Variants in SFTPD observed in about 807,000 individuals in gnomAD.
SFTPD encodes the protein pulmonary surfactant-associated protein D.
A neutral mutation model predicts 34.6 loss-of-function variants in SFTPD; 18 were observed. The ratio of observed to expected loss-of-function variants is 0.52; its 90% CI spans 0.36 to 0.77. The LOEUF is 0.77. SFTPD is among the 30% of genes least tolerant of loss of function. The pLI, the probability that SFTPD is intolerant of heterozygous loss-of-function variation, is 0.00. For synonymous variants in SFTPD, 155 were observed against 180.9 expected (o/e 0.86, Z 1.15); for missense variants, 433 against 468.9 (o/e 0.92, Z 0.71).
At chr10:79,982,110 C>T (rs553348186) in intron 1 of SFTPD, 2 of 308,260 alleles carry the variant, frequency 6.5e-6, no homozygotes, top group South Asian at 1.7e-4. Flanking sequence ...CTCTAGCTCC[C>T]GCGCTCGCTC....
chr10:79,979,231 T>TA (rs1190710901), intron 1 of SFTPD, among the ~76,000 whole-genome samples: 9 of 152,070 alleles, frequency 5.9e-5, no homozygotes, highest in African/African-American at 1.9e-4. Flanking sequence ...AAAACATTGA[T>TA]AAAAAATTGA....
At chr10:79,963,169 C>A (rs1842784538) in intron 1 of SFTPD, among the ~76,000 whole-genome samples, 1 of 151,970 alleles carries the variant, frequency 6.6e-6, no homozygotes, top group Non-Finnish European at 1.5e-5. Context: ...ATAGAGAGAC[C>A]TTGTCTCTGC....
chr10:79,967,563 C>A (rs1842809794), intron 1 of SFTPD, among the ~76,000 whole-genome samples: 1 of 143,788 alleles, frequency 7.0e-6, no homozygotes, highest in Non-Finnish European at 1.5e-5. Context: ...TACTACAAGG[C>A]TACAGTAACC....
At chr10:79,970,824 T>G (rs1364059960) in intron 1 of SFTPD, 2 of 152,178 alleles carry the variant, frequency 1.3e-5, no homozygotes, top group Non-Finnish European at 2.9e-5. Context: ...AAAATTTGAT[T>G]TCCTTCTTTC....
chr10:79,943,592 G>C (rs535233125), intron 2 of SFTPD, among the ~76,000 whole-genome samples: 1 of 152,194 alleles, frequency 6.6e-6, no homozygotes, highest in African/African-American at 2.4e-5. Context: ...CCATGCTCCC[G>C]TGGCAGAGGA....
chr10:79,945,145 G>A (rs1254565063), intron 2 of SFTPD, among the ~76,000 whole-genome samples: 1 of 152,156 alleles, frequency 6.6e-6, no homozygotes, highest in Non-Finnish European at 1.5e-5. Flanking sequence ...ATGGGTTGAG[G>A]CACATATGTG....
chr10:79,961,142 A>G (rs1842770094), intron 1 of SFTPD, among the ~76,000 whole-genome samples: 1 of 152,244 alleles, frequency 6.6e-6, no homozygotes, highest in Non-Finnish European at 1.5e-5. Flanking sequence ...TACAAAAATT[A>G]ATTCAAGATG....
intron 7 of SFTPD, among the ~76,000 whole-genome samples, chr10:79,939,677 A>C (rs1252944741): frequency 1.3e-5 from 2 of 152,220 alleles, no homozygotes; most frequent in Admixed American, 1.3e-4. Flanking sequence ...GAGCATATGC[A>C]GAAAGAGATA....
At position 79,946,518 on chromosome 10, in the gene SFTPD, G is replaced by T. The variant is rs150968324; in HGVS notation, c.142C>A (p.Pro48Thr). ...CTCCCATCCCGTCCATCGCGACCAG[G>T]CAGGCCACTCTCCACTGAGCTACAC... ...VMCSSVESGL[P>T]GRDGRDGREG... The change falls in exon 2 of 8, where the codon CCT becomes ACT. Residue 48 changes from proline (P) to threonine (T), a missense_variant. Coordinates refer to ENST00000372292, the MANE Select transcript of SFTPD (RefSeq NM_003019.5). 7.4e-6 allele frequency: 12 copies of T among 1,614,162 alleles called. No individual in the cohort carries two copies. Among genetic ancestry groups the T allele is most frequent in the Non-Finnish European group, 9.3e-6 (11 of 1,180,010 alleles).
chr10:79,963,981 C>A (rs931209736), intron 1 of SFTPD, among the ~76,000 whole-genome samples: 1 of 152,084 alleles, frequency 6.6e-6, no homozygotes, highest in African/African-American at 2.4e-5. Context: ...TCACCCTGAT[C>A]ATACTTGGTT....
At chr10:79,941,348 C>T (rs1842609103) in intron 6 of SFTPD, 50 bp downstream of exon 6, 2 of 1,525,968 alleles carry the variant, frequency 1.3e-6, no homozygotes, top group East Asian at 4.5e-5. Flanking sequence ...TTCCTCTCTG[C>T]CCACCCATGC....
Position 79,942,061 on chromosome 10 carries a change from C to A in SFTPD, c.443G>T (p.Gly148Val). The change falls in exon 5 of 8, where the codon GGT becomes GTT. Residue 148 changes from glycine to valine, a missense_variant. Transcript: ENST00000372292. ...TGCCGAGCCCTGCATGCCTGGGGCA[C>A]CTACTTCTCCTGAAGAAGGAACACA... ...KGEAGPKGEV[G>V]APGMQGSAGA... 6.2e-7 allele frequency: 1 copy of A among 1,609,584 alleles called. No homozygotes were observed. Among genetic ancestry groups the A allele is most frequent in the Non-Finnish European group, 8.5e-7 (1 of 1,176,480 alleles).
At chr10:79,947,638 C>T (rs760210002) in intron 1 of SFTPD, among the ~76,000 whole-genome samples, 40 of 151,996 alleles carry the variant, frequency 2.6e-4, no homozygotes, top group African/African-American at 9.4e-4. Flanking sequence ...TGCAGTGAGC[C>T]GAGATCGTGC....
rs1217920200 is a variant in SFTPD at position 79,942,753 on chromosome 10, A to G, written c.316+10T>C. ...CTGGAAACACCTGAAGTCGACACCC[A>G]GTTGCTCACCACTTGGCCCAGTGTC... On this transcript the variant is annotated intron_variant, in intron 3 of 7. Transcript: ENST00000372292. 1.3e-6 allele frequency: 2 copies of G among 1,546,918 alleles called. No individual in the cohort carries two copies. Among genetic ancestry groups the G allele is most frequent in the Non-Finnish European group, 8.9e-7 (1 of 1,118,786 alleles).
At chr10:79,969,619 T>C (rs1372845149) in intron 1 of SFTPD, 1 of 152,252 alleles carries the variant, frequency 6.6e-6, no homozygotes, top group East Asian at 1.9e-4. Context: ...TTGTATCTGA[T>C]AGTAGTTTTA....
chr10:79,960,110 A>G (rs1270852389), intron 1 of SFTPD, among the ~76,000 whole-genome samples: 1 of 151,792 alleles, frequency 6.6e-6, no homozygotes, highest in East Asian at 1.9e-4. Context: ...CATGCTAAAA[A>G]CTCTCAATAA....
Position 79,937,997 on chromosome 10 carries a change from G to C in SFTPD, c.983C>G (p.Thr328Arg), listed in dbSNP as rs766037403. 6.2e-7 allele frequency: 1 copy of C among 1,613,874 alleles called. No individual in the cohort carries two copies. The highest frequency in any genetic ancestry group is 1.7e-5 in the Admixed American group (1 of 60,016). The change falls in exon 8 of 8, where the codon ACA becomes AGA. Residue 328 changes from threonine (T) to arginine (R), a missense_variant. Thr to Arg is a moderately conservative substitution (Grantham distance 71). Transcript: ENST00000372292. ...SKTEGKFTYP[T>R]GESLVYSNWA... ...GTTGGAATAGACCAGGGACTCTCCT[G>C]TGGGGTAGGTGAACTTGCCCTCTGT...
At chr10:79,974,326 C>T (rs189105215) in intron 1 of SFTPD, among the ~76,000 whole-genome samples, 3 of 151,834 alleles carry the variant, frequency 2.0e-5, no homozygotes, top group African/African-American at 7.3e-5. Context: ...TGCCACCACG[C>T]CCAGCTAATT....
At chr10:79,967,594 C>G (rs1842809982) in intron 1 of SFTPD, among the ~76,000 whole-genome samples, 3 of 144,734 alleles carry the variant, frequency 2.1e-5, no homozygotes, top group Admixed American at 6.8e-5. Context: ...GGTACTGGTA[C>G]CAAAACAGAG....
Sources: allele counts gnomAD v4.1 joint callset (sites outside exome capture counted in the v4.1 genomes callset), GRCh38; gene constraint gnomAD v4.1.1; transcripts MANE v1.5; gene names NCBI Gene and HGNC (gene_info 2026-07-23, HGNC 2026-07-21).